Variants in TRANK1 observed in about 807,000 individuals in gnomAD.
TRANK1 encodes the protein tetratricopeptide repeat and ankyrin repeat containing 1.
TRANK1 carries 198 observed loss-of-function variants against 266.0 expected under a neutral mutation model. The ratio of observed to expected loss-of-function variants is 0.74; its 90% CI spans 0.66 to 0.84. The LOEUF (loss-of-function observed/expected upper bound fraction) is 0.84, where lower values mean the gene tolerates loss of function less well. TRANK1 is among the 40% of genes least tolerant of loss of function. The pLI, the probability that TRANK1 is intolerant of heterozygous loss-of-function variation, is 0.00. For synonymous variants in TRANK1, 1,396 were observed against 1,384.1 expected (o/e 1.01, Z -0.19); for missense variants, 3,326 against 3,634.6 (o/e 0.92, Z 2.18).
chr3:36,838,959 T>C (rs2078807241), intron 18 of TRANK1, among the ~76,000 whole-genome samples: 1 of 152,252 alleles, frequency 6.6e-6, no homozygotes, highest in African/African-American at 2.4e-5. Flanking sequence ...ACAGAATATG[T>C]ATTTTTTCAA....
chr3:36,909,874 A>G (rs112928350), intron 1 of TRANK1, among the ~76,000 whole-genome samples: 1,597 of 152,340 alleles, frequency 0.01, 25 homozygotes, highest in Middle Eastern at 0.02. Flanking sequence ...AAATTATATG[A>G]CTACTATTTA....
chr3:36,879,792 A>ATG lies in TRANK1; in HGVS notation c.908-5497_908-5496insCA, dbSNP rs1559448740. On this transcript the variant is annotated intron_variant, in intron 8 of 23. Transcript: ENST00000645898. ...TATAAATATATATAAATATGTAAAT[A>ATG]TATAAATATACAAATATATGTAAAT... Among the ~76,000 whole-genome samples the ATG allele has an allele frequency of 3.9e-4, 40 of 101,436 alleles. 11 individuals are homozygous for ATG. Among genetic ancestry groups the ATG allele is most frequent in the East Asian group, 3.2e-3 (11 of 3,440 alleles). 66.5% of individuals were successfully genotyped at this position (101,436 alleles called of 152,430 possible). A position where few individuals can be genotyped will look rare whatever the true frequency, so the allele number is the denominator to read the frequency against.
chr3:36,918,942 C>T (rs922977020), intron 1 of TRANK1, among the ~76,000 whole-genome samples: 16 of 152,164 alleles, frequency 1.1e-4, no homozygotes, highest in Admixed American at 2.6e-4. Flanking sequence ...TAAAATATCC[C>T]CCAGCAGGCA....
chr3:36,913,187 G>A (rs1011216109), intron 1 of TRANK1, among the ~76,000 whole-genome samples: 3 of 151,820 alleles, frequency 2.0e-5, no homozygotes, highest in Non-Finnish European at 4.4e-5. Flanking sequence ...GATTACAGGC[G>A]TGCGCCCTGT....
chr3:36,879,803 C>CAAATATATGTAAATATAT (rs2079471536), intron 8 of TRANK1, among the ~76,000 whole-genome samples: 2 of 46,730 alleles, frequency 4.3e-5, no homozygotes, highest in Non-Finnish European at 7.2e-5. Flanking sequence ...TATAAATATA[C>CAAATATATGTAAATATAT]AAATATATGT....
rs2080279443 is a variant in TRANK1, at chr3:36,925,747, C to T, written c.24-17293G>A. 2.0e-5 allele frequency among the ~76,000 whole-genome samples: 3 copies of T among 152,098 alleles called. No homozygotes were observed. The South Asian group carries it at 6.2e-4, about 32-fold the overall frequency. On this transcript the variant is annotated intron_variant, in intron 1 of 23. Coordinates refer to ENST00000645898, the MANE Select transcript of TRANK1 (RefSeq NM_001329998.2). ...CTGGGACTACAGGCACACACCACCA[C>T]ACCCAGCTAATTTTTGTATTTTGAG...
upstream of TRANK1, among the ~76,000 whole-genome samples, chr3:36,945,555 C>G (rs988906796): frequency 3.3e-5 from 5 of 152,150 alleles, no homozygotes; most frequent in African/African-American, 7.2e-5. Flanking sequence ...CCGTCGTGTC[C>G]ATGGAGAGTA....
chr3:36,905,327 C>A (rs7611656), intron 2 of TRANK1, among the ~76,000 whole-genome samples: 46,899 of 151,544 alleles, frequency 0.31, 8,222 homozygotes, highest in East Asian at 0.54. Context: ...TGAAGCCCTA[C>A]CCCTCAATGT....
chr3:36,944,207 G>T (rs369313635), intron 1 of TRANK1, among the ~76,000 whole-genome samples: 4 of 152,174 alleles, frequency 2.6e-5, no homozygotes, highest in Non-Finnish European at 5.9e-5. Flanking sequence ...CCCTAGACTC[G>T]GTGAGCCCAG....
intron 1 of TRANK1, among the ~76,000 whole-genome samples, chr3:36,918,529 A>AGG (rs1166168850): frequency 3.5e-4 from 13 of 36,986 alleles, no homozygotes; most frequent in African/African-American, 7.0e-4. Flanking sequence ...GAAAGAAAGA[A>AGG]AGAAGGAAGG....
At chr3:36,861,185 A>G in intron 10 of TRANK1, 25 bp from the exon 11 acceptor site, 2 of 1,527,482 alleles carry the variant, frequency 1.3e-6, no homozygotes, top group African/African-American at 1.4e-5. Flanking sequence ...AGTAAGACAC[A>G]TTCCAAAAAT....
chr3:36,876,681 A>AT (rs1229603152), intron 8 of TRANK1, among the ~76,000 whole-genome samples: 2 of 152,234 alleles, frequency 1.3e-5, no homozygotes, highest in African/African-American at 4.8e-5. Flanking sequence ...ATCAAACTTG[A>AT]TTTTCATTAG....
chr3:36,901,865 C>G (rs2079888440), intron 3 of TRANK1, among the ~76,000 whole-genome samples: 1 of 152,142 alleles, frequency 6.6e-6, no homozygotes, highest in African/African-American at 2.4e-5. Context: ...GTCCCTTGGG[C>G]CACAGTCACA....
chr3:36,897,220 G>A (rs560370438), intron 4 of TRANK1, among the ~76,000 whole-genome samples: 8 of 152,202 alleles, frequency 5.3e-5, no homozygotes, highest in East Asian at 3.9e-4. Flanking sequence ...CAGGAGAACC[G>A]CTTGAACCTG....
intron 22 of TRANK1, 43 bp from the exon 23 acceptor site, chr3:36,829,705 G>A (rs1286195678): frequency 6.3e-7 from 1 of 1,589,094 alleles, no homozygotes; most frequent in Non-Finnish European, 8.6e-7. Flanking sequence ...AGATGCCATT[G>A]CAGGAACTAG....
chr3:36,838,269 G>A (rs2078796381), intron 20 of TRANK1, 103 bp downstream of exon 20: 2 of 1,507,344 alleles, frequency 1.3e-6, no homozygotes, highest in Non-Finnish European at 1.8e-6. Flanking sequence ...CTCCTTGGAA[G>A]ACTGCAGCCT....
chr3:36,938,245 GTC>G (rs934493894), intron 1 of TRANK1, among the ~76,000 whole-genome samples: 1 of 151,978 alleles, frequency 6.6e-6, no homozygotes, highest in African/African-American at 2.4e-5. Flanking sequence ...TTGAGAGGGA[GTC>G]TCTCTCTGTC....
At chr3:36,919,977 T>G (rs1400510233) in intron 1 of TRANK1, among the ~76,000 whole-genome samples, 4 of 152,184 alleles carry the variant, frequency 2.6e-5, no homozygotes, top group Admixed American at 6.5e-5. Context: ...CCAGGCCCAT[T>G]GTAGCTCACG....
intron 1 of TRANK1, chr3:36,908,705 T>C (rs1475518901): frequency 1.1e-5 from 10 of 881,864 alleles, no homozygotes; most frequent in Non-Finnish European, 1.4e-5. Context: ...ATTAATGATC[T>C]GGAGGAGGCT....
Sources: gnomAD v4.1 joint callset for allele counts (sites outside exome capture counted in the v4.1 genomes callset) on GRCh38, gnomAD v4.1.1 for gene constraint, MANE v1.5 for transcripts, NCBI Gene and HGNC (gene_info 2026-07-23, HGNC 2026-07-21) for gene names.